The following CECR2 variants were observed in gnomAD, a reference collection of about 807,000 sequenced individuals.
CECR2 encodes CECR2 histone acetyl-lysine reader.
CECR2 carries 30 observed loss-of-function variants against 154.5 expected under a neutral mutation model. The ratio of observed to expected loss-of-function variants is 0.19; its 90% CI spans 0.15 to 0.26. The LOEUF is 0.26. Among genes scored for constraint, CECR2 ranks in the 10% least tolerant of loss-of-function variants. The probability of loss-of-function intolerance (pLI) is 1.00; values close to 1 mark genes in which losing one functional copy is unlikely to be tolerated. For missense variants in CECR2, 1,743 were observed against 1,829.3 expected (o/e 0.95, Z 0.86); for synonymous variants, 725 against 683.7 (o/e 1.06, Z -0.94).
intron 9 of CECR2, among the ~76,000 whole-genome samples, chr22:17,529,020 C>T (rs550680468): frequency 1.3e-5 from 2 of 152,102 alleles, no homozygotes; most frequent in East Asian, 3.9e-4. Flanking sequence ...CCCTTGAGCG[C>T]AGGAGATCGA....
In CECR2 at chr22:17,520,755, G is replaced by A. The variant is rs564673653; in HGVS notation, c.955-3363G>A. ...ATGTCCCTGCAAAGGACATGAACTC[G>A]TCTTTTTGGGTTTTTTGGGCTGCAT... On this transcript the variant is annotated intron_variant, in intron 8 of 18. Transcript: ENST00000262608. Among the ~76,000 whole-genome samples the A allele has an allele frequency of 4.6e-5, 7 of 151,986 alleles. No homozygotes were observed. The South Asian group carries it at 6.2e-4, about 14-fold the overall frequency.
At position 17,549,305 on chromosome 22, in the gene CECR2, A is replaced by G. The variant is rs987519738; in HGVS notation, c.4018A>G (p.Ser1340Gly). Residue 1340 changes from serine to glycine, a missense_variant, in exon 17 of 19, where the codon AGT (serine) becomes GGT (glycine). Physicochemically the swap from Ser to Gly is moderately conservative, Grantham distance 56. Coordinates refer to ENST00000262608, the MANE Select transcript of CECR2 (RefSeq NM_001290047.2). ...TGGTTCATCTGCATTTCCACCCCAC[A>G]GTGTGATGCTGCAGACGGGGCCTCC... ...GFGSSAFPPH[S>G]VMLQTGPPYT... The G allele has an allele frequency of 6.2e-7, 1 of 1,613,934 alleles. No individual in the cohort carries two copies. Among genetic ancestry groups the G allele is most frequent in the Non-Finnish European group, 8.5e-7 (1 of 1,179,882 alleles).
chr22:17,549,307 T>C lies in CECR2; in HGVS notation c.4020T>C (p.Ser1340=), dbSNP rs1601209529. ...GFGSSAFPPH[S]VMLQTGPPYT... ...GTTCATCTGCATTTCCACCCCACAG[T>C]GTGATGCTGCAGACGGGGCCTCCCT... Residue 1340 remains serine (S), a synonymous_variant, in exon 17 of 19, where the codon AGT becomes AGC. Transcript: ENST00000262608. 2 of 1,613,966 alleles carry C rather than the reference T, an allele frequency of 1.2e-6. No homozygotes were observed. Among genetic ancestry groups the C allele is most frequent in the African/African-American group, 2.7e-5 (2 of 75,038 alleles).
chr22:17,400,265 T>C (rs192350921), intron 1 of CECR2, among the ~76,000 whole-genome samples: 25 of 152,352 alleles, frequency 1.6e-4, no homozygotes, highest in African/African-American at 5.8e-4. Flanking sequence ...TCAACTGTTA[T>C]ATGCCAAAAT....
At chr22:17,526,666 G>C (rs751567001) in intron 9 of CECR2, among the ~76,000 whole-genome samples, 4 of 151,896 alleles carry the variant, frequency 2.6e-5, no homozygotes, top group Admixed American at 2.6e-4. Context: ...AAAATTAGCC[G>C]GGCACGGTGG....
chr22:17,423,295 G>C (rs893146698), intron 1 of CECR2, among the ~76,000 whole-genome samples: 5 of 151,964 alleles, frequency 3.3e-5, no homozygotes, highest in African/African-American at 1.2e-4. Context: ...GGAGTTGGGT[G>C]TTCCCTTCCC....
At chr22:17,408,164 T>A (rs1325182627) in intron 1 of CECR2, among the ~76,000 whole-genome samples, 1 of 152,118 alleles carries the variant, frequency 6.6e-6, no homozygotes, top group African/African-American at 2.4e-5. Flanking sequence ...TTCCAAGACG[T>A]TTTTATCACC....
At chr22:17,464,057 T>A (rs1434920903) in intron 1 of CECR2, among the ~76,000 whole-genome samples, 3 of 152,212 alleles carry the variant, frequency 2.0e-5, no homozygotes, top group Non-Finnish European at 4.4e-5. Context: ...GAACCATTTG[T>A]TAAATTTGGC....
At chr22:17,494,090 TTTTC>T (rs113949798) in intron 2 of CECR2, among the ~76,000 whole-genome samples, 13 of 152,106 alleles carry the variant, frequency 8.5e-5, no homozygotes, top group Non-Finnish European at 1.6e-4. Flanking sequence ...CACTTTTTCA[TTTTC>T]TTTCTTTCTT....
At chr22:17,454,408 A>G (rs2054821011) in intron 1 of CECR2, among the ~76,000 whole-genome samples, 3 of 151,406 alleles carry the variant, frequency 2.0e-5, no homozygotes, top group East Asian at 3.9e-4. Flanking sequence ...GATCAAGACC[A>G]TCCTGGCTAA....
At chr22:17,513,303 C>G (rs1035134169) in intron 8 of CECR2, among the ~76,000 whole-genome samples, 2 of 152,198 alleles carry the variant, frequency 1.3e-5, no homozygotes, top group Non-Finnish European at 2.9e-5. Context: ...GTTCAGTGAT[C>G]GTAGAGAGTT....
At chr22:17,541,669 C>T (rs1444560316) in intron 14 of CECR2, among the ~76,000 whole-genome samples, 170 bp from the exon 15 acceptor site, 1 of 152,200 alleles carries the variant, frequency 6.6e-6, no homozygotes, top group African/African-American at 2.4e-5. Flanking sequence ...GGCTCATAGG[C>T]AAGCCCTGAT....
At chr22:17,468,827 G>C (rs1366261944) in intron 1 of CECR2, among the ~76,000 whole-genome samples, 5 of 152,166 alleles carry the variant, frequency 3.3e-5, no homozygotes, top group African/African-American at 1.2e-4. Flanking sequence ...ATAAAGAAAT[G>C]TATTTCTCGT....
chr22:17,538,360 A>T (rs1473673060), intron 10 of CECR2, among the ~76,000 whole-genome samples, 160 bp from the exon 11 acceptor site: 1 of 152,186 alleles, frequency 6.6e-6, no homozygotes, highest in African/African-American at 2.4e-5. Context: ...CCCTCATTGT[A>T]TTTCCAGGGA....
intron 7 of CECR2, among the ~76,000 whole-genome samples, chr22:17,508,002 A>G (rs1460240732): frequency 6.6e-6 from 1 of 152,190 alleles, no homozygotes; most frequent in Non-Finnish European, 1.5e-5. Context: ...AAATAACTGG[A>G]AGCTACTCTG....
intron 1 of CECR2, among the ~76,000 whole-genome samples, chr22:17,376,480 T>C (rs1178090584): frequency 6.8e-6 from 1 of 146,584 alleles, no homozygotes; most frequent in East Asian, 2.1e-4. Flanking sequence ...GATTCCATGG[T>C]GTGCTGGGGC....
chr22:17,461,876 TC>T (rs1263367533), intron 1 of CECR2, among the ~76,000 whole-genome samples: 1 of 148,378 alleles, frequency 6.7e-6, no homozygotes, highest in African/African-American at 2.5e-5. Flanking sequence ...CACTGCAACC[TC>T]CGTCTCCAGG....
intron 1 of CECR2, among the ~76,000 whole-genome samples, chr22:17,370,340 A>T (rs1209068039): frequency 1.4e-5 from 2 of 139,028 alleles, no homozygotes. Context: ...CCCGCGCGGG[A>T]TTAACTCGGA....
At chr22:17,421,117 C>G (rs1180673994) in intron 1 of CECR2, among the ~76,000 whole-genome samples, 1 of 152,030 alleles carries the variant, frequency 6.6e-6, no homozygotes, top group African/African-American at 2.4e-5. Flanking sequence ...TTATTTTAGC[C>G]TCATTCATTC....
Sources: allele counts gnomAD v4.1 joint callset (sites outside exome capture counted in the v4.1 genomes callset), GRCh38; gene constraint gnomAD v4.1.1; transcripts MANE v1.5; gene names NCBI Gene and HGNC (gene_info 2026-07-23, HGNC 2026-07-21).